The following MPPED2 variants were observed in gnomAD, a reference collection of about 807,000 sequenced individuals.
MPPED2 encodes the protein metallophosphoesterase domain containing 2, also known as metallophosphoesterase MPPED2.
Under a neutral mutation model 33.0 loss-of-function variants are expected in MPPED2, and 5 were observed. The observed-to-expected ratio is 0.15, with a 90% confidence interval of 0.08 to 0.32. The LOEUF (loss-of-function observed/expected upper bound fraction) is 0.32. Ranked by LOEUF, MPPED2 falls within the 10% of genes least tolerant of loss-of-function variation. The pLI, the probability that MPPED2 is intolerant of heterozygous loss-of-function variation, is 1.00. For missense variants in MPPED2, 275 were observed against 372.1 expected (o/e 0.74, Z 2.15); for synonymous variants, 136 against 141.9 (o/e 0.96, Z 0.29).
intron 4 of MPPED2, among the ~76,000 whole-genome samples, chr11:30,430,903 C>G (rs1414636197): frequency 6.6e-6 from 1 of 152,116 alleles, no homozygotes; most frequent in Non-Finnish European, 1.5e-5. Context: ...TTCCATTCAC[C>G]CATCATACAT....
intron 4 of MPPED2, among the ~76,000 whole-genome samples, chr11:30,473,749 A>T (rs1215650389): frequency 6.6e-6 from 1 of 152,214 alleles, no homozygotes; most frequent in African/African-American, 2.4e-5. Flanking sequence ...GATTCAAGAC[A>T]GTTACCATGT....
At chr11:30,573,932 T>C (rs1161162414) in intron 2 of MPPED2, among the ~76,000 whole-genome samples, 2 of 152,200 alleles carry the variant, frequency 1.3e-5, no homozygotes, top group Non-Finnish European at 2.9e-5. Context: ...GAAAACATTT[T>C]TGTACAGCTG....
At chr11:30,566,366 T>A (rs565175696) in intron 2 of MPPED2, among the ~76,000 whole-genome samples, 1 of 152,280 alleles carries the variant, frequency 6.6e-6, no homozygotes, top group South Asian at 2.1e-4. Flanking sequence ...AGCTTTGATA[T>A]TTTTTCCTAT....
chr11:30,465,861 G>A (rs1950687074), intron 4 of MPPED2, among the ~76,000 whole-genome samples: 1 of 152,156 alleles, frequency 6.6e-6, no homozygotes, highest in Non-Finnish European at 1.5e-5. Flanking sequence ...TATATGTGCT[G>A]ATTTGAGTAT....
intron 3 of MPPED2, among the ~76,000 whole-genome samples, chr11:30,512,962 G>A (rs1197758028): frequency 1.3e-5 from 2 of 151,802 alleles, no homozygotes; most frequent in African/African-American, 2.4e-5. Flanking sequence ...TCACGCCACT[G>A]CACTCTACTG....
At position 30,392,700 on chromosome 11, in the gene MPPED2, G is replaced by A. The variant is rs185529538; in HGVS notation, c.767-3744C>T. Among the ~76,000 whole-genome samples the A allele has an allele frequency of 3.6e-3, 548 of 152,284 alleles. 5 individuals carry two copies. The highest frequency in any genetic ancestry group is 0.012 in the African/African-American group (519 of 41,558). On this transcript the variant is annotated intron_variant, in intron 6 of 6. Transcript: ENST00000448418. ...GGGACGGGTTCCCTTGGATTTCCCT[G>A]AGCTGGAGCTCAGGAGCATGAGATA...
intron 2 of MPPED2, among the ~76,000 whole-genome samples, chr11:30,555,246 T>C (rs1176027018): frequency 6.6e-6 from 1 of 152,162 alleles, no homozygotes; most frequent in Non-Finnish European, 1.5e-5. Flanking sequence ...TCTCTTGCTA[T>C]AGTGATATCA....
chr11:30,523,281 T>C (rs966195813), intron 3 of MPPED2, among the ~76,000 whole-genome samples: 23 of 152,058 alleles, frequency 1.5e-4, no homozygotes, highest in African/African-American at 4.8e-4. Flanking sequence ...TCAAGATTCC[T>C]GGAAACAATA....
At chr11:30,528,411 A>C (rs1215111274) in intron 3 of MPPED2, among the ~76,000 whole-genome samples, 1 of 152,042 alleles carries the variant, frequency 6.6e-6, no homozygotes, top group Non-Finnish European at 1.5e-5. Context: ...ACACACCACC[A>C]CACCTGACTA....
chr11:30,524,077 C>T (rs1366740632), intron 3 of MPPED2, among the ~76,000 whole-genome samples: 1 of 151,904 alleles, frequency 6.6e-6, no homozygotes, highest in South Asian at 2.1e-4. Context: ...ATGGTGAAAC[C>T]TGTCTCTACT....
chr11:30,485,425 A>AATAACATGTGTAACATTTACACGTTACGC (rs57692213), intron 4 of MPPED2, among the ~76,000 whole-genome samples: 22 of 138,438 alleles, frequency 1.6e-4, no homozygotes, highest in South Asian at 7.0e-4. Context: ...TAACAAGGTA[A>AATAACATGTGTAACATTTACACGTTACGC]ATAACATGTG....
intron 4 of MPPED2, among the ~76,000 whole-genome samples, chr11:30,455,742 G>C (rs780392630): frequency 6.6e-6 from 1 of 152,154 alleles, no homozygotes; most frequent in Non-Finnish European, 1.5e-5. Context: ...TCCCTTTCCA[G>C]ATCAGCTTGG....
intron 4 of MPPED2, among the ~76,000 whole-genome samples, chr11:30,440,142 C>T (rs1949501613): frequency 6.6e-6 from 1 of 152,034 alleles, no homozygotes; most frequent in Non-Finnish European, 1.5e-5. Context: ...CCAGCCTGGC[C>T]AACATGGTGA....
chr11:30,580,839 T>C (rs1957133394), intron 1 of MPPED2, among the ~76,000 whole-genome samples: 1 of 152,236 alleles, frequency 6.6e-6, no homozygotes, highest in Non-Finnish European at 1.5e-5. Flanking sequence ...GTGAAGAATC[T>C]TCCAAACCTG....
downstream of MPPED2, among the ~76,000 whole-genome samples, chr11:30,409,109 AC>A (rs1193891645): frequency 6.6e-6 from 1 of 152,180 alleles, no homozygotes; most frequent in Non-Finnish European, 1.5e-5. Context: ...TTGTGCCCAG[AC>A]GTACTCTCAA....
chr11:30,484,881 G>A (rs1328540577), intron 4 of MPPED2, among the ~76,000 whole-genome samples: 1 of 151,980 alleles, frequency 6.6e-6, no homozygotes, highest in East Asian at 1.9e-4. Flanking sequence ...CACAAACAGG[G>A]GTAAGCATTT....
chr11:30,462,494 T>C (rs1950548901), intron 4 of MPPED2, among the ~76,000 whole-genome samples: 2 of 152,210 alleles, frequency 1.3e-5, no homozygotes, highest in Admixed American at 6.5e-5. Flanking sequence ...TTTAAAAGTA[T>C]GTTCAAAAAT....
chr11:30,557,859 G>A (rs1956056595), intron 2 of MPPED2, among the ~76,000 whole-genome samples: 1 of 152,186 alleles, frequency 6.6e-6, no homozygotes, highest in African/African-American at 2.4e-5. Flanking sequence ...CTGGTAAGAA[G>A]AGCCTCATGG....
intron 4 of MPPED2, among the ~76,000 whole-genome samples, chr11:30,436,322 A>AGAG (rs4068743): frequency 0.59 from 90,161 of 151,560 alleles, 28,098 homozygotes; most frequent in African/African-American, 0.8. Flanking sequence ...CAAACTTTAG[A>AGAG]CATCAGTCAC....
Sources: allele counts gnomAD v4.1 joint callset (sites outside exome capture counted in the v4.1 genomes callset), GRCh38; gene constraint gnomAD v4.1.1; transcripts MANE v1.5; gene names NCBI Gene and HGNC (gene_info 2026-07-23, HGNC 2026-07-21).